Variants in SRGAP2 observed in about 807,000 individuals in gnomAD.
SRGAP2 encodes the protein SLIT-ROBO Rho GTPase-activating protein 2.
A neutral mutation model predicts 57.2 loss-of-function variants in SRGAP2; 15 were observed. That is an observed-to-expected ratio of 0.26 (90% CI 0.18 to 0.40). SRGAP2 has a LOEUF of 0.40. Ranked by LOEUF, SRGAP2 falls within the 10% of genes least tolerant of loss-of-function variation. SRGAP2 has a pLI of 1.00. For missense variants in SRGAP2, 520 were observed against 669.6 expected, an observed-to-expected ratio of 0.78 and a Z score of 2.47; for synonymous variants, 249 against 248.0, an observed-to-expected ratio of 1.00 and a Z score of -0.04.
chr1:206,378,734 G>A (rs1386478064), intron 4 of SRGAP2, among the ~76,000 whole-genome samples: 16 of 152,038 alleles, frequency 1.1e-4, no homozygotes, highest in East Asian at 3.9e-4. Context: ...ACCAATCAGC[G>A]CTCTGTGTCT....
intron 3 of SRGAP2, among the ~76,000 whole-genome samples, chr1:206,303,890 A>T (rs1276087441): frequency 3.7e-3 from 333 of 90,280 alleles, no homozygotes; most frequent in South Asian, 0.015. Context: ...TCTCTCTCTC[A>T]CACACACACA....
chr1:206,448,930 G>T lies in SRGAP2; in HGVS notation c.2100-1456G>T, dbSNP rs59250273. ...TGGGAAACCTCCTTGGAAGTGACTT[G>T]CTCTACACAGGATGAGTTCTGAACT... On this transcript the variant is annotated intron_variant, in intron 18 of 22. Coordinates refer to ENST00000573034, the MANE Select transcript of SRGAP2 (RefSeq NM_015326.5). Among the ~76,000 whole-genome samples, 1,196 of 152,228 alleles carry T rather than the reference G, an allele frequency of 7.9e-3. 19 individuals are homozygous for T. Among genetic ancestry groups the T allele is most frequent in the African/African-American group, 0.027 (1,134 of 41,532 alleles).
At chr1:206,285,981 G>A (rs1342830994) in intron 2 of SRGAP2, among the ~76,000 whole-genome samples, 1 of 152,152 alleles carries the variant, frequency 6.6e-6, no homozygotes, top group Non-Finnish European at 1.5e-5. Context: ...CACTTTTTGA[G>A]TTTCAGGATG....
intron 10 of SRGAP2, among the ~76,000 whole-genome samples, chr1:206,414,711 C>T (rs1659531164): frequency 6.6e-6 from 1 of 152,212 alleles, no homozygotes; most frequent in Admixed American, 6.5e-5. Flanking sequence ...GACACTACCA[C>T]TTGCTAGCTT....
chr1:206,340,285 C>G (rs1273907784), intron 3 of SRGAP2, among the ~76,000 whole-genome samples: 8 of 137,114 alleles, frequency 5.8e-5, no homozygotes, highest in African/African-American at 2.1e-4. Flanking sequence ...GATCTGCGGT[C>G]TACCTTTCTG....
chr1:206,229,659 T>C (rs1667497438), intron 2 of SRGAP2, among the ~76,000 whole-genome samples: 1 of 152,190 alleles, frequency 6.6e-6, no homozygotes, highest in East Asian at 1.9e-4. Flanking sequence ...ATTAACACCT[T>C]GACTCTCTTT....
At chr1:206,207,672 G>A (rs1175011040) in intron 2 of SRGAP2, 8 of 141,726 alleles carry the variant, frequency 5.6e-5, no homozygotes, top group East Asian at 2.0e-4. Context: ...TGTTGCCATC[G>A]GGAGTGTTAA....
At chr1:206,414,690 A>T (rs1659528926) in intron 10 of SRGAP2, among the ~76,000 whole-genome samples, 1 of 152,200 alleles carries the variant, frequency 6.6e-6, no homozygotes, top group Non-Finnish European at 1.5e-5. Flanking sequence ...CAAAGGCCTT[A>T]GATTGGGCCT....
chr1:206,459,617 C>T (rs1010091268), intron 22 of SRGAP2, among the ~76,000 whole-genome samples: 3 of 152,086 alleles, frequency 2.0e-5, no homozygotes, highest in African/African-American at 7.3e-5. Context: ...ATCCGACTAC[C>T]GGGGCCACTC....
At chr1:206,312,156 C>T (rs1393706022) in intron 3 of SRGAP2, 7 of 151,824 alleles carry the variant, frequency 4.6e-5, no homozygotes, top group African/African-American at 1.7e-4. Flanking sequence ...ATGAATTTGT[C>T]TTCCTGTACT....
In SRGAP2 at chr1:206,446,087, C is replaced by T. The variant is rs1662732667; in HGVS notation, c.1887C>T (p.Phe629=). The T allele has an allele frequency of 1.3e-6, 1 of 780,948 alleles. No homozygotes were observed. The highest frequency in any genetic ancestry group is 2.4e-6 in the Non-Finnish European group (1 of 418,008). The allele number at this position is 780,948 out of a possible 1,614,324, so 48.4% of individuals were successfully genotyped here. ...CCTTCTCCTCCAGTTTATCACAGTTCAGTGAAGAGAACATGATGGACCCCT... is the reference window on the plus strand; with the variant it reads ...CCTTCTCCTCCAGTTTATCACAGTTTAGTGAAGAGAACATGATGGACCCCT... ...LFAFLNHLSQ[F]SEENMMDPYN... The change falls in exon 18 of 23, where the codon TTC becomes TTT. Residue 629 remains phenylalanine, a synonymous_variant. Transcript: ENST00000573034.
At chr1:206,232,107 T>A (rs1434327215) in intron 2 of SRGAP2, among the ~76,000 whole-genome samples, 5 of 151,712 alleles carry the variant, frequency 3.3e-5, no homozygotes. Flanking sequence ...TCTGCCCTGG[T>A]GTCTGCATTC....
intron 17 of SRGAP2, among the ~76,000 whole-genome samples, chr1:206,441,376 AG>A (rs1553371998): frequency 6.6e-6 from 1 of 152,108 alleles, no homozygotes; most frequent in East Asian, 1.9e-4. Flanking sequence ...TGAGGAGCAG[AG>A]GGGGCCGCGG....
intron 4 of SRGAP2, among the ~76,000 whole-genome samples, chr1:206,355,434 G>A (rs1465789412): frequency 2.6e-5 from 4 of 151,878 alleles, no homozygotes; most frequent in Non-Finnish European, 4.4e-5. Context: ...TTAGTCTACC[G>A]ATAGTGATGC....
At chr1:206,448,175 G>A (rs77531051) in intron 18 of SRGAP2, among the ~76,000 whole-genome samples, 1,886 of 152,294 alleles carry the variant, frequency 0.012, 22 homozygotes, top group South Asian at 0.026. Flanking sequence ...GTGAGTGAGG[G>A]TGGTAGAAGG....
intron 22 of SRGAP2, 70 bp from the exon 23 acceptor site, chr1:206,460,967 T>G: frequency 1.5e-6 from 1 of 655,452 alleles, no homozygotes; most frequent in Non-Finnish European, 2.8e-6. Flanking sequence ...TTGGCCTGTG[T>G]TGTTGAAACC....
rs373165643 is a variant in SRGAP2 at position 206,458,853 on chromosome 1, G to A, written c.2738G>A (p.Arg913Gln). ...SISRHSSLKN[R>Q]LDSPQIRKTA... ...AGCCGCCACTCATCCCTGAAGAATCGGCTGGATAGTCCACAGATCCGGAAG... is the reference window on the plus strand; with the variant it reads ...AGCCGCCACTCATCCCTGAAGAATCAGCTGGATAGTCCACAGATCCGGAAG... The change falls in exon 22 of 23, where the codon CGG (arginine) becomes CAG (glutamine). Residue 913 changes from arginine (R) to glutamine (Q), a missense_variant. Coordinates refer to ENST00000573034, the MANE Select transcript of SRGAP2 (RefSeq NM_015326.5). 4.0e-4 allele frequency: 312 copies of A among 780,486 alleles called. No individual in the cohort carries two copies. The highest frequency in any genetic ancestry group is 2.4e-4 in the Non-Finnish European group (102 of 417,880). 48.3% of individuals were successfully genotyped at this position (780,486 alleles called of 1,614,324 possible).
intron 4 of SRGAP2, among the ~76,000 whole-genome samples, chr1:206,376,215 GTCTT>G (rs1282664439): frequency 5.9e-5 from 9 of 152,272 alleles, no homozygotes; most frequent in African/African-American, 1.9e-4. Flanking sequence ...ACTTTTTATC[GTCTT>G]TCTTTGTTTC....
In SRGAP2 at chr1:206,373,009, CTTTCTTTCTTTCTTTCTTTT is replaced by C. The variant is rs1553342994; in HGVS notation, c.424-11004_424-10985del. 4.6e-4 allele frequency among the ~76,000 whole-genome samples: 45 copies of C among 98,744 alleles called. 1 individual carries two copies. The highest frequency in any genetic ancestry group is 1.7e-3 in the African/African-American group (43 of 25,460). The allele number at this position is 98,744 out of a possible 152,430, so 64.8% of individuals were successfully genotyped here. ...TCTTTCTTTCTTTCTTTCTTTCTTT[CTTTCTTTCTTTCTTTCTTTT>C]CTTTCTCTCTCTCTCTCTTTCTCTC... is the stretch of plus-strand genomic sequence containing the variant. On this transcript the variant is annotated intron_variant, in intron 4 of 22. Transcript: ENST00000573034.
Sources: allele counts gnomAD v4.1 joint callset (sites outside exome capture counted in the v4.1 genomes callset), GRCh38; gene constraint gnomAD v4.1.1; transcripts MANE v1.5; gene names NCBI Gene and HGNC (gene_info 2026-07-23, HGNC 2026-07-21).